The following PCDH15 variants were observed in gnomAD, a reference collection of about 807,000 sequenced individuals.
PCDH15 encodes protocadherin-15.
Under a neutral mutation model 178.5 loss-of-function variants are expected in PCDH15, and 129 were observed. That is an observed-to-expected ratio of 0.72 (90% CI 0.63 to 0.84). The LOEUF is 0.84. PCDH15 is among the 40% of genes least tolerant of loss of function. PCDH15 has a pLI of 0.00. For missense variants in PCDH15, 2,230 were observed against 2,099.9 expected, an observed-to-expected ratio of 1.06 and a Z score of -1.21; for synonymous variants, 800 against 732.0, an observed-to-expected ratio of 1.09 and a Z score of -1.50.
At chr10:55,187,849 G>T (rs960866131) in intron 1 of PCDH15, among the ~76,000 whole-genome samples, 10 of 151,914 alleles carry the variant, frequency 6.6e-5, no homozygotes, top group Non-Finnish European at 1.3e-4. Context: ...AATTCCAGAT[G>T]GAAAGTCATC....
intron 2 of PCDH15, among the ~76,000 whole-genome samples, chr10:54,934,606 T>C (rs1041551244): frequency 4.0e-5 from 6 of 151,156 alleles, no homozygotes; most frequent in African/African-American, 1.2e-4. Context: ...TGTGGAGAAA[T>C]AGGAACACTT....
At chr10:54,934,299 G>A (rs1837851661) in intron 2 of PCDH15, among the ~76,000 whole-genome samples, 1 of 152,038 alleles carries the variant, frequency 6.6e-6, no homozygotes, top group Admixed American at 6.6e-5. Context: ...TGACATGAGA[G>A]AGGACCAGAA....
chr10:54,537,327 C>A (rs544981328), intron 2 of PCDH15, among the ~76,000 whole-genome samples: 1 of 152,058 alleles, frequency 6.6e-6, no homozygotes, highest in South Asian at 2.1e-4. Flanking sequence ...GATATATAAC[C>A]AGTAATAGGA....
chr10:55,459,241 A>AAAAAAAAAAT (rs10647110), intron 2 of PCDH15, among the ~76,000 whole-genome samples: 1 of 134,228 alleles, frequency 7.5e-6, no homozygotes. Flanking sequence ...GCAAAAAAAA[A>AAAAAAAAAAT]AAAGAAGGAA....
chr10:54,404,279 G>A lies in PCDH15; in HGVS notation c.158-25337C>T, dbSNP rs530224545. Reference sequence around the variant, plus strand: ...TACCCAACTTCAAATTATACTACAGGGCTACAGTAACCAAAACAGCATGGT... The same window carrying A: ...TACCCAACTTCAAATTATACTACAGAGCTACAGTAACCAAAACAGCATGGT... On this transcript the variant is annotated intron_variant, in intron 3 of 37. Coordinates refer to ENST00000644397, the MANE Select transcript of PCDH15 (RefSeq NM_001384140.1). Among the ~76,000 whole-genome samples the A allele has an allele frequency of 5.5e-4, 84 of 151,936 alleles. 1 individual carries two copies. In the South Asian group the frequency reaches 0.017, roughly 31 times the overall value.
intron 2 of PCDH15, among the ~76,000 whole-genome samples, chr10:54,565,116 A>T (rs1467976935): frequency 1.3e-5 from 2 of 152,156 alleles, no homozygotes; most frequent in Admixed American, 1.3e-4. Flanking sequence ...TTGGATTCTA[A>T]TCACATCTTT....
intron 2 of PCDH15, among the ~76,000 whole-genome samples, chr10:54,952,062 A>C (rs542692348): frequency 1.1e-3 from 167 of 151,876 alleles, no homozygotes; most frequent in Non-Finnish European, 1.9e-3. Flanking sequence ...TCAGCTATTC[A>C]AGTTTGTCTT....
chr10:54,797,423 T>C (rs1041225870), intron 1 of PCDH15, among the ~76,000 whole-genome samples: 3 of 151,912 alleles, frequency 2.0e-5, no homozygotes, highest in Middle Eastern at 3.4e-3. Context: ...ACAAGGTTTA[T>C]GATATAAAAG....
intron 7 of PCDH15, among the ~76,000 whole-genome samples, chr10:54,320,061 CG>C (rs1291583663): frequency 6.6e-6 from 1 of 151,932 alleles, no homozygotes; most frequent in Non-Finnish European, 1.5e-5. Context: ...TTCAAAGTTT[CG>C]GAACTCACTC....
intron 35 of PCDH15, among the ~76,000 whole-genome samples, chr10:53,812,336 T>C (rs1045397116): frequency 2.6e-5 from 4 of 151,926 alleles, no homozygotes; most frequent in African/African-American, 9.7e-5. Context: ...GCCTCCCGAG[T>C]AGCTGGGGCT....
intron 2 of PCDH15, among the ~76,000 whole-genome samples, chr10:55,459,035 A>C (rs1839613097): frequency 6.6e-6 from 1 of 151,964 alleles, no homozygotes; most frequent in Non-Finnish European, 1.5e-5. Context: ...ATGAGGATGC[A>C]CAATTGCTGG....
At chr10:53,825,068 C>T in intron 32 of PCDH15, 1 of 1,448,830 alleles carries the variant, frequency 6.9e-7, no homozygotes, top group Non-Finnish European at 9.1e-7. Context: ...AGTACAACAG[C>T]ATTTTAATCT....
chr10:55,236,527 T>C (rs1284795432), intron 1 of PCDH15, among the ~76,000 whole-genome samples: 1 of 152,088 alleles, frequency 6.6e-6, no homozygotes, highest in Non-Finnish European at 1.5e-5. Context: ...TTGAGCAATT[T>C]GTGCCTTATT....
At chr10:55,537,376 C>T (rs1841602112) in intron 2 of PCDH15, among the ~76,000 whole-genome samples, 1 of 151,754 alleles carries the variant, frequency 6.6e-6, no homozygotes, top group South Asian at 2.1e-4. Flanking sequence ...TGAACACCTG[C>T]TATTTACTTT....
chr10:54,771,121 T>C (rs745391757), intron 1 of PCDH15, among the ~76,000 whole-genome samples: 2 of 152,102 alleles, frequency 1.3e-5, no homozygotes, highest in Non-Finnish European at 2.9e-5. Context: ...GATAGGTACT[T>C]TGAATTCATC....
At chr10:54,074,851 CATGTT>C (rs1170156548) in intron 17 of PCDH15, among the ~76,000 whole-genome samples, 2 of 152,118 alleles carry the variant, frequency 1.3e-5, no homozygotes, top group East Asian at 3.9e-4. Flanking sequence ...TCCTCATCAA[CATGTT>C]ATGTTGTTGT....
At chr10:55,441,215 C>T (rs1431000628) in intron 2 of PCDH15, among the ~76,000 whole-genome samples, 3 of 152,180 alleles carry the variant, frequency 2.0e-5, no homozygotes, top group Admixed American at 2.0e-4. Flanking sequence ...GTTTTACCCA[C>T]CTCTGTAACC....
intron 2 of PCDH15, among the ~76,000 whole-genome samples, chr10:55,405,004 ACAGAAATGTT>A (rs1838162352): frequency 6.6e-6 from 1 of 151,646 alleles, no homozygotes; most frequent in Non-Finnish European, 1.5e-5. Context: ...ACTTAATTGA[ACAGAAATGTT>A]CAGAAATATG....
chr10:54,194,877 G>A (rs1390090920), intron 11 of PCDH15, among the ~76,000 whole-genome samples: 1 of 152,034 alleles, frequency 6.6e-6, no homozygotes, highest in Non-Finnish European at 1.5e-5. Context: ...CACTCAATGG[G>A]ACTCTCTTTT....
Sources: allele counts gnomAD v4.1 joint callset (sites outside exome capture counted in the v4.1 genomes callset), GRCh38; gene constraint gnomAD v4.1.1; transcripts MANE v1.5; gene names NCBI Gene and HGNC (gene_info 2026-07-23, HGNC 2026-07-21).